Variants in DPH6 observed in about 807,000 individuals in gnomAD.
DPH6 encodes the protein diphthine--ammonia ligase.
DPH6 carries 33 observed loss-of-function variants against 38.2 expected under a neutral mutation model. That is an observed-to-expected ratio of 0.86 (90% CI 0.65 to 1.15). The LOEUF is 1.15. Among genes scored for constraint, DPH6 ranks in the 50% most tolerant of loss-of-function variants. DPH6 has a pLI of 0.00. For missense variants in DPH6, 325 were observed against 320.0 expected, an observed-to-expected ratio of 1.02 and a Z score of -0.12; for synonymous variants, 108 against 103.0, an observed-to-expected ratio of 1.05 and a Z score of -0.30.
intron 3 of DPH6, among the ~76,000 whole-genome samples, chr15:35,230,898 C>T (rs1231812627): frequency 6.6e-6 from 1 of 152,194 alleles, no homozygotes; most frequent in African/African-American, 2.4e-5. Context: ...ATGTCCTCCC[C>T]ACTTTTCCAT....
chr15:35,364,247 G>A lies in DPH6; in HGVS notation n.207+9274C>T, dbSNP rs1238971603. The stretch of plus-strand genomic sequence containing the variant: ...TATATATATGTGGAAAAGCCTAAAG[G>A]ATTTTACAATGACCACCTATATATC... On this transcript the variant is annotated intron_variant and non_coding_transcript_variant, in intron 3 of 3. Coordinates refer to the DPH6 transcript ENST00000558973. Among the ~76,000 whole-genome samples, 3 of 151,846 alleles carry A rather than the reference G, an allele frequency of 2.0e-5. No individual in the cohort carries two copies. In the South Asian group the frequency reaches 6.2e-4, roughly 32 times the overall value.
intron 3 of DPH6, among the ~76,000 whole-genome samples, chr15:35,480,277 T>C (rs1319266656): frequency 6.6e-6 from 1 of 152,132 alleles, no homozygotes; most frequent in Non-Finnish European, 1.5e-5. Flanking sequence ...CAGCCAAATA[T>C]ATAAGCACTT....
chr15:35,355,465 T>C (rs1434626729), intron 3 of DPH6, among the ~76,000 whole-genome samples: 1 of 152,206 alleles, frequency 6.6e-6, no homozygotes, highest in Admixed American at 6.5e-5. Flanking sequence ...TCAGGAGCTC[T>C]TTTAGGGCAG....
At chr15:35,396,790 C>T (rs1055220766) in intron 6 of DPH6, among the ~76,000 whole-genome samples, 1 of 152,122 alleles carries the variant, frequency 6.6e-6, no homozygotes, top group Non-Finnish European at 1.5e-5. Context: ...AAAGATGTTC[C>T]AAACCCTTTT....
chr15:35,230,295 C>T (rs1423929134), intron 3 of DPH6, among the ~76,000 whole-genome samples: 1 of 152,196 alleles, frequency 6.6e-6, no homozygotes, highest in Non-Finnish European at 1.5e-5. Context: ...CACCTTGTGG[C>T]CATCACTACC....
intron 3 of DPH6, among the ~76,000 whole-genome samples, chr15:35,316,936 T>C (rs763517664): frequency 6.6e-6 from 1 of 152,160 alleles, no homozygotes; most frequent in Non-Finnish European, 1.5e-5. Flanking sequence ...AAAAGAGAAC[T>C]GTCTTTCTAG....
chr15:35,384,271 T>C (rs565430621), intron 6 of DPH6, among the ~76,000 whole-genome samples: 45 of 152,340 alleles, frequency 3.0e-4, no homozygotes, highest in African/African-American at 1.1e-3. Context: ...AAAAGTTTAA[T>C]TTCTCAATGA....
intron 3 of DPH6, among the ~76,000 whole-genome samples, chr15:35,307,135 G>A (rs554241577): frequency 6.6e-6 from 1 of 152,156 alleles, no homozygotes; most frequent in African/African-American, 2.4e-5. Context: ...AGTGGCAAGA[G>A]AAAAACTGAT....
At chr15:35,210,916 T>A in the DPH6 span, among the ~76,000 whole-genome samples, 1 of 151,312 alleles carries the variant, frequency 6.6e-6, no homozygotes, top group Non-Finnish European at 1.5e-5. Flanking sequence ...TGCCATGGAA[T>A]TTTTGGCTTC....
intron 3 of DPH6, among the ~76,000 whole-genome samples, chr15:35,460,268 T>C (rs11073095): frequency 0.92 from 140,210 of 152,278 alleles, 64,940 homozygotes; most frequent in Non-Finnish European, 0.98. Context: ...GAATGAATAT[T>C]TATTACTAAA....
At chr15:35,184,034 G>A in the DPH6 span, among the ~76,000 whole-genome samples, 1 of 152,112 alleles carries the variant, frequency 6.6e-6, no homozygotes, top group Non-Finnish European at 1.5e-5. Context: ...AGATTTCTAG[G>A]ACATAATTTA....
chr15:35,488,014 G>A (rs2054427745), intron 3 of DPH6, among the ~76,000 whole-genome samples: 1 of 152,042 alleles, frequency 6.6e-6, no homozygotes, highest in Non-Finnish European at 1.5e-5. Flanking sequence ...TCTAGGGCAG[G>A]GGCAAAATGC....
At chr15:35,436,853 A>G (rs1353256643) in intron 5 of DPH6, among the ~76,000 whole-genome samples, 1 of 148,794 alleles carries the variant, frequency 6.7e-6, no homozygotes, top group African/African-American at 2.5e-5. Flanking sequence ...AGGCCAGGAC[A>G]CCCTTTTCTC....
chr15:35,222,923 A>G (rs1205067102), intron 3 of DPH6, among the ~76,000 whole-genome samples: 1 of 152,172 alleles, frequency 6.6e-6, no homozygotes, highest in Non-Finnish European at 1.5e-5. Flanking sequence ...TATCTTATTT[A>G]GGAATCAAAT....
intron 3 of DPH6, among the ~76,000 whole-genome samples, chr15:35,296,421 T>G (rs1313408969): frequency 2.0e-5 from 3 of 152,172 alleles, no homozygotes; most frequent in African/African-American, 7.2e-5. Flanking sequence ...AGACCTCCAA[T>G]TTATTGACCC....
At chr15:35,474,697 G>C (rs139719124) in intron 3 of DPH6, among the ~76,000 whole-genome samples, 8 of 152,050 alleles carry the variant, frequency 5.3e-5, no homozygotes, top group African/African-American at 1.9e-4. Flanking sequence ...TTTTTAAAAT[G>C]TTTATTAGTC....
intron 3 of DPH6, among the ~76,000 whole-genome samples, chr15:35,348,925 T>C (rs1354786778): frequency 6.6e-6 from 1 of 152,188 alleles, no homozygotes; most frequent in Non-Finnish European, 1.5e-5. Context: ...ATTATATTTG[T>C]TTTCTTAATA....
chr15:35,361,086 A>G (rs1004269209), intron 3 of DPH6, among the ~76,000 whole-genome samples: 1 of 152,234 alleles, frequency 6.6e-6, no homozygotes, highest in African/African-American at 2.4e-5. Context: ...CATGGGCAGG[A>G]CAGAGACCAA....
chr15:35,425,337 G>A (rs929210607), intron 5 of DPH6, among the ~76,000 whole-genome samples: 2 of 151,438 alleles, frequency 1.3e-5, no homozygotes, highest in African/African-American at 4.8e-5. Context: ...CTTTTCAGAA[G>A]GAGTTTTTAA....
Sources: allele counts gnomAD v4.1 joint callset (sites outside exome capture counted in the v4.1 genomes callset), GRCh38; gene constraint gnomAD v4.1.1; transcripts MANE v1.5; gene names NCBI Gene and HGNC (gene_info 2026-07-23, HGNC 2026-07-21).